The following ST7L variants were observed in gnomAD, a reference collection of about 807,000 sequenced individuals.
ST7L encodes suppression of tumorigenicity 7 like.
A neutral mutation model predicts 72.5 loss-of-function variants in ST7L; 57 were observed. That is an observed-to-expected ratio of 0.79 (90% CI 0.64 to 0.98). The LOEUF is 0.98. Ranked by LOEUF, ST7L falls within the 50% of genes least tolerant of loss-of-function variation. The pLI is 0.00. For synonymous variants in ST7L, 221 were observed against 240.9 expected, an observed-to-expected ratio of 0.92 and a Z score of 0.77; for missense variants, 576 against 672.2, an observed-to-expected ratio of 0.86 and a Z score of 1.58.
At chr1:112,568,330 ATTTTTTTTT>A (rs776031521) in intron 11 of ST7L, among the ~76,000 whole-genome samples, 1 of 116,812 alleles carries the variant, frequency 8.6e-6, no homozygotes, top group African/African-American at 3.5e-5. Flanking sequence ...CTGTAATAAT[ATTTTTTTTT>A]TTTTTTTTTT....
rs749324214 is a variant in ST7L, at chr1:112,525,976, T to C, written c.*37A>G. The C allele has an allele frequency of 2.9e-5, 46 of 1,612,012 alleles. No homozygotes were observed. Among genetic ancestry groups the C allele is most frequent in the Non-Finnish European group, 3.6e-5 (43 of 1,178,602 alleles). ...TTTACAGATGCTGTTCAGAAAAATT[T>C]GGTGATTTGTCCAAGGTCACATGAA... On this transcript the variant is annotated 3_prime_UTR_variant, in exon 15 of 15. Transcript: ENST00000358039.
Position 112,576,296 on chromosome 1 carries a change from C to A in ST7L, c.1245+690G>T, listed in dbSNP as rs565684758. 2.6e-5 allele frequency among the ~76,000 whole-genome samples: 4 copies of A among 152,208 alleles called. No individual in the cohort carries two copies. In the East Asian group the frequency reaches 7.7e-4, roughly 29 times the overall value. ...GCAGAGATGAGGTCTCACCACATTG[C>A]CCAGCCGCTAGTCCCAAACTCCTGG... On this transcript the variant is annotated intron_variant, in intron 11 of 14. Coordinates refer to ENST00000358039, the MANE Select transcript of ST7L (RefSeq NM_017744.5).
intron 6 of ST7L, among the ~76,000 whole-genome samples, chr1:112,586,480 C>T (rs898315931): frequency 1.3e-5 from 2 of 152,104 alleles, no homozygotes; most frequent in African/African-American, 4.8e-5. Flanking sequence ...GGCTTCCTGA[C>T]TGCCATTCCA....
downstream of ST7L, chr1:112,520,498 G>A (rs1009097572): frequency 6.2e-7 from 1 of 1,613,954 alleles, no homozygotes; most frequent in African/African-American, 1.3e-5. Flanking sequence ...AGAGTGGCTG[G>A]ACCAAACCTG....
At chr1:112,569,276 A>G (rs915020321) in intron 11 of ST7L, among the ~76,000 whole-genome samples, 3 of 152,244 alleles carry the variant, frequency 2.0e-5, no homozygotes, top group Non-Finnish European at 2.9e-5. Flanking sequence ...ATGAATGTTC[A>G]TAACAGCATT....
intron 14 of ST7L, among the ~76,000 whole-genome samples, chr1:112,533,216 T>C (rs949121733): frequency 1.3e-5 from 2 of 152,210 alleles, no homozygotes; most frequent in Non-Finnish European, 1.5e-5. Flanking sequence ...CGTTTGAGTA[T>C]GCAATGTAAA....
At chr1:112,529,404 A>G (rs1367247924) in intron 14 of ST7L, 1 of 152,230 alleles carries the variant, frequency 6.6e-6, no homozygotes, top group Non-Finnish European at 1.5e-5. Flanking sequence ...CTGTGACAGC[A>G]CTATGAATTC....
At chr1:112,550,045 C>T (rs1352398711) in intron 13 of ST7L, among the ~76,000 whole-genome samples, 1 of 152,100 alleles carries the variant, frequency 6.6e-6, no homozygotes, top group Non-Finnish European at 1.5e-5. Context: ...TCTGCATCTA[C>T]TGTGCTTTAT....
At chr1:112,554,508 T>G (rs1189342073) in intron 12 of ST7L, among the ~76,000 whole-genome samples, 2 of 152,238 alleles carry the variant, frequency 1.3e-5, no homozygotes, top group Non-Finnish European at 2.9e-5. Context: ...TTGGAACTTT[T>G]GTGCCTTGCT....
intron 11 of ST7L, among the ~76,000 whole-genome samples, chr1:112,565,755 G>A (rs1401209830): frequency 6.6e-6 from 1 of 152,130 alleles, no homozygotes; most frequent in Non-Finnish European, 1.5e-5. Flanking sequence ...AGTGGCTCAT[G>A]CCTGTAATCC....
chr1:112,544,955 A>G (rs1006008420), intron 13 of ST7L, among the ~76,000 whole-genome samples: 1 of 152,190 alleles, frequency 6.6e-6, no homozygotes, highest in Non-Finnish European at 1.5e-5. Context: ...ACTGGCTTGT[A>G]GAGAAAAATT....
chr1:112,565,533 T>A (rs1222216288), intron 11 of ST7L, among the ~76,000 whole-genome samples: 6 of 152,226 alleles, frequency 3.9e-5, no homozygotes, highest in Admixed American at 3.9e-4. Context: ...TTTCAGGGTA[T>A]TGTAACTAAT....
At chr1:112,546,281 T>A (rs1657042863) in intron 13 of ST7L, among the ~76,000 whole-genome samples, 1 of 139,288 alleles carries the variant, frequency 7.2e-6, no homozygotes, top group South Asian at 2.2e-4. Context: ...ACTGCACCAC[T>A]GCATTCCAGC....
At chr1:112,545,167 G>A (rs1305791431) in intron 13 of ST7L, among the ~76,000 whole-genome samples, 2 of 152,114 alleles carry the variant, frequency 1.3e-5, no homozygotes, top group Non-Finnish European at 2.9e-5. Context: ...TCCACAGTCA[G>A]AGACAGAAAA....
At chr1:112,602,723 T>C (rs1255637672) in intron 3 of ST7L, among the ~76,000 whole-genome samples, 1 of 148,090 alleles carries the variant, frequency 6.8e-6, no homozygotes. Context: ...CTTTTTTTTT[T>C]TTTTTTTTTT....
At chr1:112,603,984 GC>G (rs1244429153) in intron 3 of ST7L, among the ~76,000 whole-genome samples, 3 of 152,052 alleles carry the variant, frequency 2.0e-5, no homozygotes, top group Admixed American at 6.6e-5. Context: ...TCTGGCCCTG[GC>G]CCCCCAAAAT....
chr1:112,617,503 G>T (rs1451224541), intron 1 of ST7L, among the ~76,000 whole-genome samples: 1 of 152,172 alleles, frequency 6.6e-6, no homozygotes, highest in Non-Finnish European at 1.5e-5. Context: ...CTGGTAGCCA[G>T]AAGTTCAAGA....
chr1:112,611,070 A>C (rs1669001092), intron 2 of ST7L, 67 bp from the exon 3 acceptor site: 1 of 1,514,240 alleles, frequency 6.6e-7, no homozygotes, highest in Non-Finnish European at 8.9e-7. Flanking sequence ...AAATTAAAAC[A>C]TTCTCTCAAG....
At chr1:112,533,328 T>C (rs1031693014) in intron 14 of ST7L, among the ~76,000 whole-genome samples, 2 of 145,032 alleles carry the variant, frequency 1.4e-5, no homozygotes, top group Non-Finnish European at 3.0e-5. Flanking sequence ...TTTATTTTAT[T>C]TTTTTTTTTG....
Sources: allele counts gnomAD v4.1 joint callset (sites outside exome capture counted in the v4.1 genomes callset), GRCh38; gene constraint gnomAD v4.1.1; transcripts MANE v1.5; gene names NCBI Gene and HGNC (gene_info 2026-07-23, HGNC 2026-07-21).